The following PAPLN variants were observed in gnomAD, a reference collection of about 807,000 sequenced individuals.
PAPLN encodes the protein papilin, proteoglycan like sulfated glycoprotein, also known as papilin.
A neutral mutation model predicts 159.0 loss-of-function variants in PAPLN; 146 were observed. The ratio of observed to expected loss-of-function variants is 0.92; its 90% CI spans 0.80 to 1.05. The LOEUF (loss-of-function observed/expected upper bound fraction) is 1.05, where lower values mean the gene tolerates loss of function less well. Ranked by LOEUF, PAPLN falls within the 50% of genes least tolerant of loss-of-function variation. The pLI is 0.00. For synonymous variants in PAPLN, 734 were observed against 702.9 expected (o/e 1.04, Z -0.70); for missense variants, 1,720 against 1,743.9 (o/e 0.99, Z 0.24).
chr14:73,258,374 T>C (rs1300090798), intron 14 of PAPLN, among the ~76,000 whole-genome samples: 5 of 152,202 alleles, frequency 3.3e-5, no homozygotes, highest in Non-Finnish European at 5.9e-5. Context: ...ATTGGATTGT[T>C]TGCCTTTCAT....
chr14:73,270,058 T>C (rs1332367521), intron 26 of PAPLN, among the ~76,000 whole-genome samples: 1 of 152,176 alleles, frequency 6.6e-6, no homozygotes, highest in Non-Finnish European at 1.5e-5. Flanking sequence ...TGGCTGGAAA[T>C]GTTGTCCAGC....
In PAPLN at chr14:73,252,209, C is replaced by A; in HGVS notation, c.967+68C>A. ...GCTGGATCCCACGGCCACAGGTGGG[C>A]AAGTCACAGCCCTCTCCTCAAGGCA... On this transcript the variant is annotated intron_variant, in intron 10 of 26. Coordinates refer to ENST00000644200, the MANE Select transcript of PAPLN (RefSeq NM_001365906.3). 2.0e-6 allele frequency: 3 copies of A among 1,496,296 alleles called. No homozygotes were observed. The Admixed American group carries it at 6.4e-5, about 32-fold the overall frequency. 92.7% of individuals were successfully genotyped at this position (1,496,296 alleles called of 1,614,324 possible). A position where few individuals can be genotyped will look rare whatever the true frequency, so the allele number is the denominator to read the frequency against.
chr14:73,251,819 G>A lies in PAPLN; in HGVS notation c.826G>A (p.Glu276Lys). ...ERLHARGPTS[E>K]PLVIELISQE... is the part of the protein sequence containing the mutation. ...ACTCCATGCCCGGGGCCCCACCTCGGAGCCCCTGGTCATCGAGGTAAATGG... is the reference window on the plus strand; with the variant it reads ...ACTCCATGCCCGGGGCCCCACCTCGAAGCCCCTGGTCATCGAGGTAAATGG... Residue 276 changes from glutamate to lysine, a missense_variant, in exon 9 of 27, where the codon GAG becomes AAG. Coordinates refer to ENST00000644200, the MANE Select transcript of PAPLN (RefSeq NM_001365906.3). The A allele has an allele frequency of 1.3e-6, 2 of 1,597,036 alleles. No individual in the cohort carries two copies. Among genetic ancestry groups the A allele is most frequent in the Non-Finnish European group, 1.7e-6 (2 of 1,174,556 alleles).
chr14:73,270,586 T>G (rs1887629934), intron 26 of PAPLN, among the ~76,000 whole-genome samples: 1 of 152,200 alleles, frequency 6.6e-6, no homozygotes, highest in Non-Finnish European at 1.5e-5. Flanking sequence ...AAATTGACCT[T>G]GTCTACATAA....
chr14:73,267,960 C>T (rs1273582946), intron 25 of PAPLN, among the ~76,000 whole-genome samples: 1 of 152,164 alleles, frequency 6.6e-6, no homozygotes, highest in African/African-American at 2.4e-5. Context: ...CTTCTCAGGG[C>T]CTGCAGTGGG....
intron 5 of PAPLN, among the ~76,000 whole-genome samples, chr14:73,248,659 C>G (rs1217431282): frequency 6.6e-6 from 1 of 151,694 alleles, no homozygotes; most frequent in Non-Finnish European, 1.5e-5. Flanking sequence ...GAAGATTAGC[C>G]AGGCATACAA....
intron 1 of PAPLN, 145 bp from the exon 2 acceptor site, chr14:73,239,628 G>A: frequency 7.1e-7 from 1 of 1,411,582 alleles, no homozygotes; most frequent in East Asian, 2.8e-5. Flanking sequence ...GTTCTCTGCG[G>A]TGCACCGAGG....
At chr14:73,262,230 G>A in intron 18 of PAPLN, 120 bp from the exon 19 acceptor site, 1 of 1,016,792 alleles carries the variant, frequency 9.8e-7, no homozygotes, top group Non-Finnish European at 1.5e-6. Flanking sequence ...CCAGACAGGG[G>A]TGTAGACATG....
chr14:73,270,052 T>C (rs1302321809), intron 26 of PAPLN, among the ~76,000 whole-genome samples: 2 of 152,236 alleles, frequency 1.3e-5, no homozygotes, highest in Non-Finnish European at 2.9e-5. Flanking sequence ...ATGTTGTGGC[T>C]GGAAATGTTG....
At chr14:73,250,568 G>A (rs1407061320) in intron 6 of PAPLN, among the ~76,000 whole-genome samples, 1 of 152,142 alleles carries the variant, frequency 6.6e-6, no homozygotes, top group African/African-American at 2.4e-5. Flanking sequence ...AGGAGTTCTA[G>A]CCACCGGGGG....
chr14:73,254,010 A>C (rs1159172103), intron 12 of PAPLN, 49 bp downstream of exon 12: 2 of 1,560,448 alleles, frequency 1.3e-6, no homozygotes, highest in Non-Finnish European at 1.7e-6. Context: ...GGGTAGCAGC[A>C]GGGAAGGGCT....
At position 73,265,325 on chromosome 14, in the gene PAPLN, G is replaced by A; in HGVS notation, c.3126-45G>A. The A allele has an allele frequency of 6.3e-7, 1 of 1,590,802 alleles. No homozygotes were observed. Reference sequence around the variant, plus strand: ...AGAGGTGCCCATGGGAGTAGGCGGGGGCAACGGCAAGGGCCCCTCATGCTG... The same window carrying A: ...AGAGGTGCCCATGGGAGTAGGCGGGAGCAACGGCAAGGGCCCCTCATGCTG... On this transcript the variant is annotated intron_variant, in intron 22 of 26. Transcript: ENST00000644200. The surrounding 1 kb of genome is among the most constrained non-coding windows in gnomAD (Gnocchi z 4.1).
intron 14 of PAPLN, among the ~76,000 whole-genome samples, chr14:73,258,041 G>C (rs764787613): frequency 6.6e-6 from 1 of 152,116 alleles, no homozygotes; most frequent in Non-Finnish European, 1.5e-5. Context: ...CTGGGATTGC[G>C]GGCGGGAGCC....
At chr14:73,240,181 T>C (rs1237166373) in intron 2 of PAPLN, among the ~76,000 whole-genome samples, 2 of 151,980 alleles carry the variant, frequency 1.3e-5, no homozygotes, top group Non-Finnish European at 2.9e-5. Flanking sequence ...ACCAGACACC[T>C]GTCTTCTGCC....
Position 73,250,125 on chromosome 14 carries a change from C to A in PAPLN, c.465+11C>A. On this transcript the variant is annotated intron_variant, in intron 6 of 26. Transcript: ENST00000644200. ...GATGGCAGCTGCCGGGTGAGTGGTG[C>A]CCCAGCCCCTCCCTGCCTCCGGGCT... is the stretch of plus-strand genomic sequence containing the variant. 1.3e-6 allele frequency: 2 copies of A among 1,599,520 alleles called. No homozygotes were observed. Among genetic ancestry groups the A allele is most frequent in the Non-Finnish European group, 1.7e-6 (2 of 1,173,352 alleles).
intron 26 of PAPLN, among the ~76,000 whole-genome samples, chr14:73,269,199 G>GA (rs1887483303): frequency 6.6e-6 from 1 of 152,144 alleles, no homozygotes; most frequent in South Asian, 2.1e-4. Flanking sequence ...TTTTACAAAT[G>GA]AGACAGGTAT....
At chr14:73,262,270 G>C (rs1156791151) in intron 18 of PAPLN, 80 bp from the exon 19 acceptor site, 2 of 1,373,088 alleles carry the variant, frequency 1.5e-6, no homozygotes, top group South Asian at 1.3e-5. Flanking sequence ...CCTGCTTCCT[G>C]AGTCGGAGGC....
Position 73,251,779 on chromosome 14 carries a change from C to A in PAPLN, c.786C>A (p.Asp262Glu). Residue 262 changes from aspartate to glutamate, a missense_variant, in exon 9 of 27, where the codon GAC becomes GAA. Coordinates refer to ENST00000644200, the MANE Select transcript of PAPLN (RefSeq NM_001365906.3). ...ATTACGAGCGGGGTGCTGAGGGGGA[C>A]CTGGCCCCTGAGCGACTCCATGCCC... is the stretch of plus-strand genomic sequence containing the variant. Reference protein sequence around the residue: ...ILHYERGAEGDLAPERLHARG... With the variant: ...ILHYERGAEGELAPERLHARG... 1.9e-6 allele frequency: 3 copies of A among 1,609,780 alleles called. No individual in the cohort carries two copies. The highest frequency in any genetic ancestry group is 2.5e-6 in the Non-Finnish European group (3 of 1,178,876).
intron 4 of PAPLN, 66 bp from the exon 5 acceptor site, chr14:73,246,002 CGGGCG>C: frequency 7.1e-7 from 1 of 1,401,678 alleles, no homozygotes. Context: ...TCCCTGGGCT[CGGGCG>C]GGGCGGGAGG....
Sources: gnomAD v4.1 joint callset for allele counts (sites outside exome capture counted in the v4.1 genomes callset) on GRCh38, gnomAD v4.1.1 for gene constraint, Gnocchi (gnomAD v3.1) non-coding constraint, MANE v1.5 for transcripts, NCBI Gene and HGNC (gene_info 2026-07-23, HGNC 2026-07-21) for gene names.